CAMK1D: variants seen among roughly 807,000 people sequenced by gnomAD.
CAMK1D encodes calcium/calmodulin-dependent protein kinase type 1D.
Under a neutral mutation model 47.7 loss-of-function variants are expected in CAMK1D, and 9 were observed. That is an observed-to-expected ratio of 0.19 (90% CI 0.11 to 0.33). CAMK1D has a LOEUF of 0.33. Among genes scored for constraint, CAMK1D ranks in the 10% least tolerant of loss-of-function variants. The pLI is 1.00. For synonymous variants in CAMK1D, 184 were observed against 184.9 expected, an observed-to-expected ratio of 0.99 and a Z score of 0.04; for missense variants, 291 against 488.7, an observed-to-expected ratio of 0.60 and a Z score of 3.81.
intron 1 of CAMK1D, among the ~76,000 whole-genome samples, chr10:12,522,154 C>G (rs549361617): frequency 6.7e-6 from 1 of 149,420 alleles, no homozygotes; most frequent in Non-Finnish European, 1.5e-5. Flanking sequence ...CTGTCTTCAC[C>G]CTTTCCTGCC....
rs571226079 is a variant in CAMK1D, at chr10:12,799,782, G to A, written c.641+8549G>A. 1.1e-4 allele frequency among the ~76,000 whole-genome samples: 17 copies of A among 152,260 alleles called. No homozygotes were observed. The South Asian group carries it at 1.7e-3, about 15-fold the overall frequency. ...CTGCACACATGCTCCGGGCTTTCTC[G>A]AGGTGGTGTCCATCTGGCTAATGCA... On this transcript the variant is annotated intron_variant, in intron 6 of 10. Coordinates refer to ENST00000619168, the MANE Select transcript of CAMK1D (RefSeq NM_153498.4).
chr10:12,399,641 C>T (rs576123368), intron 1 of CAMK1D, among the ~76,000 whole-genome samples: 1 of 152,294 alleles, frequency 6.6e-6, no homozygotes, highest in South Asian at 2.1e-4. Context: ...CCAGTAATGT[C>T]ATAAGAGTAA....
At chr10:12,716,153 G>A (rs546565910) in intron 3 of CAMK1D, among the ~76,000 whole-genome samples, 10 of 152,214 alleles carry the variant, frequency 6.6e-5, no homozygotes, top group Admixed American at 1.3e-4. Context: ...ATACCGCCTC[G>A]CACTTTATCT....
Position 12,763,394 on chromosome 10 carries a change from T to G in CAMK1D, c.438+2308T>G, listed in dbSNP as rs114175860. 8.7e-3 allele frequency among the ~76,000 whole-genome samples: 1,326 copies of G among 152,328 alleles called. 24 individuals carry two copies. The highest frequency in any genetic ancestry group is 0.03 in the African/African-American group (1,263 of 41,576). Reference sequence around the variant, plus strand: ...GCCTACCTGCAAATGTACCTCCTTCTCTTCGTAGAAAGCTATGCGATGTCT... The same window carrying G: ...GCCTACCTGCAAATGTACCTCCTTCGCTTCGTAGAAAGCTATGCGATGTCT... On this transcript the variant is annotated intron_variant, in intron 4 of 10. Transcript: ENST00000619168.
At chr10:12,734,422 GT>G (rs1835067442) in intron 3 of CAMK1D, among the ~76,000 whole-genome samples, 12 of 5,202 alleles carry the variant, frequency 2.3e-3, no homozygotes, top group Admixed American at 4.7e-3. Context: ...ACACACACAT[GT>G]ATATATATAT....
intron 1 of CAMK1D, among the ~76,000 whole-genome samples, chr10:12,525,472 C>T (rs900345954): frequency 2.6e-5 from 4 of 152,086 alleles, no homozygotes; most frequent in Non-Finnish European, 5.9e-5. Context: ...CAGTTTGAGT[C>T]ATTTTGTTGT....
At chr10:12,358,468 G>A (rs1007812969) in intron 1 of CAMK1D, among the ~76,000 whole-genome samples, 3 of 152,210 alleles carry the variant, frequency 2.0e-5, no homozygotes, top group Admixed American at 2.0e-4. Flanking sequence ...GGGAGGCGAA[G>A]GTTGCAGTGG....
chr10:12,794,839 C>T (rs1409273568), intron 6 of CAMK1D, among the ~76,000 whole-genome samples: 2 of 152,252 alleles, frequency 1.3e-5, no homozygotes, highest in African/African-American at 4.8e-5. Flanking sequence ...GTATGATTGA[C>T]CATATAACAC....
chr10:12,716,354 G>A (rs1377730906), intron 3 of CAMK1D, among the ~76,000 whole-genome samples: 2 of 152,038 alleles, frequency 1.3e-5, no homozygotes, highest in East Asian at 3.9e-4. Context: ...TGTCCCCTGC[G>A]GGACAGAATC....
intron 1 of CAMK1D, among the ~76,000 whole-genome samples, chr10:12,493,149 C>A (rs2768439): frequency 6.6e-6 from 1 of 152,104 alleles, no homozygotes; most frequent in Non-Finnish European, 1.5e-5. Context: ...CAACCCTCTG[C>A]GGTCACCAGT....
At chr10:12,511,102 C>T (rs140468895) in intron 1 of CAMK1D, among the ~76,000 whole-genome samples, 1 of 152,254 alleles carries the variant, frequency 6.6e-6, no homozygotes, top group Non-Finnish European at 1.5e-5. Context: ...CATTTTTCTT[C>T]ATTGGTATCT....
chr10:12,614,135 C>T (rs904195413), intron 2 of CAMK1D, among the ~76,000 whole-genome samples: 1 of 152,182 alleles, frequency 6.6e-6, no homozygotes, highest in African/African-American at 2.4e-5. Flanking sequence ...CTTTGTAGCT[C>T]CTGTCACCTA....
At chr10:12,449,454 G>T (rs916475191) in intron 1 of CAMK1D, among the ~76,000 whole-genome samples, 3 of 151,960 alleles carry the variant, frequency 2.0e-5, no homozygotes, top group Non-Finnish European at 4.4e-5. Flanking sequence ...AAAAAAAAGT[G>T]AAGATATTTG....
intron 7 of CAMK1D, 52 bp downstream of exon 7, chr10:12,814,359 C>A (rs768500400): frequency 2.6e-6 from 3 of 1,165,906 alleles, no homozygotes; most frequent in African/African-American, 3.0e-5. Context: ...ACACTTACAC[C>A]CAGACCACGT....
intron 3 of CAMK1D, among the ~76,000 whole-genome samples, chr10:12,744,740 T>TAA (rs10589773): frequency 3.7e-5 from 5 of 136,564 alleles, no homozygotes; most frequent in African/African-American, 1.3e-4. Flanking sequence ...AAATAAAAAT[T>TAA]AAAAAAAAAA....
At chr10:12,622,152 C>T (rs929559123) in intron 2 of CAMK1D, among the ~76,000 whole-genome samples, 5 of 152,208 alleles carry the variant, frequency 3.3e-5, no homozygotes, top group South Asian at 2.1e-4. Flanking sequence ...CACCACCAGG[C>T]GTGGGGGTCC....
chr10:12,663,178 C>T (rs1029638676), intron 2 of CAMK1D, among the ~76,000 whole-genome samples: 1 of 151,734 alleles, frequency 6.6e-6, no homozygotes, highest in African/African-American at 2.4e-5. Flanking sequence ...CCAGGCTGGT[C>T]TGGAACTCCT....
At chr10:12,738,343 C>T (rs1380470230) in intron 3 of CAMK1D, among the ~76,000 whole-genome samples, 1 of 152,100 alleles carries the variant, frequency 6.6e-6, no homozygotes, top group Non-Finnish European at 1.5e-5. Flanking sequence ...TAAAATAAAG[C>T]GAATGGATTC....
intron 2 of CAMK1D, among the ~76,000 whole-genome samples, chr10:12,560,458 C>A (rs545102493): frequency 4.7e-5 from 7 of 148,750 alleles, no homozygotes; most frequent in African/African-American, 7.5e-5. Flanking sequence ...GAGCCTGAGA[C>A]AGGAGAATTG....
Sources: allele counts gnomAD v4.1 joint callset (sites outside exome capture counted in the v4.1 genomes callset), GRCh38; gene constraint gnomAD v4.1.1; transcripts MANE v1.5; gene names NCBI Gene and HGNC (gene_info 2026-07-23, HGNC 2026-07-21).